The following PRKAR1B variants were observed in gnomAD, a reference collection of about 807,000 sequenced individuals.
The protein encoded by PRKAR1B is cAMP-dependent protein kinase type I-beta regulatory subunit.
PRKAR1B carries 22 observed loss-of-function variants against 46.5 expected under a neutral mutation model. That is an observed-to-expected ratio of 0.47 (90% confidence interval 0.34 to 0.68). The LOEUF is 0.68. Among genes scored for constraint, PRKAR1B ranks in the 30% least tolerant of loss-of-function variants. The pLI, the probability that PRKAR1B is intolerant of heterozygous loss-of-function variation, is 0.01. For missense variants in PRKAR1B, 445 were observed against 535.6 expected (o/e 0.83, Z 1.67); for synonymous variants, 259 against 217.7 (o/e 1.19, Z -1.67).
chr7:561,274 G>GCACA (rs201104071), intron 9 of PRKAR1B, among the ~76,000 whole-genome samples: 15 of 150,222 alleles, frequency 1.0e-4, no homozygotes, highest in African/African-American at 1.7e-4. Context: ...ACACGCCTGT[G>GCACA]CACACACACA....
At chr7:663,490 G>A (rs1292690449) in intron 4 of PRKAR1B, among the ~76,000 whole-genome samples, 3 of 152,212 alleles carry the variant, frequency 2.0e-5, no homozygotes, top group African/African-American at 7.2e-5. Context: ...CCCTGCCTCA[G>A]CCTCCCAAAG....
rs1428212549 is a variant in PRKAR1B at position 646,291 on chromosome 7, G to A, written c.440+30938C>T. Reference sequence around the variant, plus strand: ...ACTCCTGGATTCAAGCGATCCTCCCGCCTTGGTCTCCCAAAGTGCTGGGAT... The same window carrying A: ...ACTCCTGGATTCAAGCGATCCTCCCACCTTGGTCTCCCAAAGTGCTGGGAT... On this transcript the variant is annotated intron_variant, in intron 4 of 10. Coordinates refer to ENST00000537384, the MANE Select transcript of PRKAR1B (RefSeq NM_001164760.2). 5.3e-5 allele frequency among the ~76,000 whole-genome samples: 8 copies of A among 152,300 alleles called. No individual in the cohort carries two copies. The East Asian group carries it at 5.8e-4, about 11-fold the overall frequency.
intron 4 of PRKAR1B, among the ~76,000 whole-genome samples, chr7:647,158 C>A (rs1192098026): frequency 6.6e-6 from 1 of 152,232 alleles, no homozygotes; most frequent in Non-Finnish European, 1.5e-5. Context: ...CCAAAACCAG[C>A]CTGCCTGCCC....
chr7:650,307 T>C (rs1402081914), intron 4 of PRKAR1B, among the ~76,000 whole-genome samples: 1 of 152,116 alleles, frequency 6.6e-6, no homozygotes, highest in Non-Finnish European at 1.5e-5. Flanking sequence ...AGGGTCTGCA[T>C]CCCAAGGGTC....
intron 9 of PRKAR1B, among the ~76,000 whole-genome samples, chr7:563,887 ATGTGCATGTGTGCACACG>A (rs1269512783): frequency 8.0e-5 from 12 of 150,188 alleles, no homozygotes; most frequent in African/African-American, 2.9e-4. Flanking sequence ...GGGTGTGTAT[ATGTGCATGTGTGCACACG>A]TGTGCATGGG....
intron 4 of PRKAR1B, among the ~76,000 whole-genome samples, chr7:660,413 T>C (rs1334082475): frequency 2.7e-5 from 4 of 146,472 alleles, no homozygotes; most frequent in African/African-American, 5.1e-5. Flanking sequence ...TCCAAATACC[T>C]ACTCTCCCCC....
rs1358844183 is a variant in PRKAR1B at position 714,996 on chromosome 7, G to A, written c.-22-3469C>T. Among the ~76,000 whole-genome samples, 3 of 152,056 alleles carry A rather than the reference G, an allele frequency of 2.0e-5. No homozygotes were observed. Among genetic ancestry groups the A allele is most frequent in the Non-Finnish European group, 4.4e-5 (3 of 68,022 alleles). On this transcript the variant is annotated intron_variant, in intron 1 of 10. Transcript: ENST00000537384. The surrounding 1 kb of genome is among the most constrained non-coding windows in gnomAD (Gnocchi z 4.3). The stretch of plus-strand genomic sequence containing the variant: ...AGGTCAGGAGTTCAAGACCAGCCTG[G>A]GCAACATAGCGAAACCCTGTCTCGA...
At chr7:656,902 T>C (rs1351177039) in intron 4 of PRKAR1B, among the ~76,000 whole-genome samples, 3 of 148,716 alleles carry the variant, frequency 2.0e-5, no homozygotes, top group Non-Finnish European at 4.5e-5. Context: ...AGTGAATGCA[T>C]GGATGGACGG....
chr7:711,571 G>A (rs1780632062), intron 1 of PRKAR1B, 44 bp from the exon 2 acceptor site: 1 of 1,562,192 alleles, frequency 6.4e-7, no homozygotes, highest in Non-Finnish European at 8.7e-7. Flanking sequence ...GAGCTGCCCG[G>A]GGCTGCGCGC....
intron 3 of PRKAR1B, among the ~76,000 whole-genome samples, chr7:677,725 C>T (rs113150217): frequency 6.6e-6 from 1 of 152,136 alleles, no homozygotes; most frequent in African/African-American, 2.4e-5. Flanking sequence ...CCGCACCCAG[C>T]CTCTTGTTAC....
chr7:679,710 A>G (rs941554494), intron 3 of PRKAR1B, among the ~76,000 whole-genome samples: 3 of 152,206 alleles, frequency 2.0e-5, no homozygotes, highest in Non-Finnish European at 2.9e-5. Context: ...CTAACAGGGT[A>G]CTGGGGACTG....
chr7:695,515 T>C (rs890251636), intron 2 of PRKAR1B, among the ~76,000 whole-genome samples: 1 of 152,144 alleles, frequency 6.6e-6, no homozygotes, highest in Non-Finnish European at 1.5e-5. Context: ...TGTTCCATGA[T>C]GGAGACTGCA....
At chr7:617,653 C>G (rs1782902667) in intron 4 of PRKAR1B, among the ~76,000 whole-genome samples, 1 of 152,162 alleles carries the variant, frequency 6.6e-6, no homozygotes, top group South Asian at 2.1e-4. Context: ...CGACTGTCAC[C>G]CTGGTCCATT....
chr7:719,012 C>T (rs1310347185), intron 1 of PRKAR1B, among the ~76,000 whole-genome samples: 20 of 151,758 alleles, frequency 1.3e-4, no homozygotes, highest in African/African-American at 2.4e-5. Context: ...GCTGGGATTA[C>T]AGGTGCACCC....
chr7:707,478 T>C (rs964061657), intron 2 of PRKAR1B, among the ~76,000 whole-genome samples: 2 of 152,066 alleles, frequency 1.3e-5, no homozygotes, highest in Non-Finnish European at 2.9e-5. Flanking sequence ...CTGAGAAAAA[T>C]TGCCCTGCCC....
chr7:568,488 C>T (rs183925631), intron 9 of PRKAR1B, among the ~76,000 whole-genome samples: 127 of 152,346 alleles, frequency 8.3e-4, no homozygotes, highest in African/African-American at 2.9e-3. Flanking sequence ...GGAGCTGGCC[C>T]GCCCCGGGCA....
chr7:702,767 G>A (rs1256453164), intron 2 of PRKAR1B, among the ~76,000 whole-genome samples: 2 of 152,166 alleles, frequency 1.3e-5, no homozygotes, highest in Admixed American at 1.3e-4. Flanking sequence ...AGCTCGCAGT[G>A]AGCGGAGATT....
At chr7:629,242 C>T (rs1474118329) in intron 4 of PRKAR1B, among the ~76,000 whole-genome samples, 1 of 152,248 alleles carries the variant, frequency 6.6e-6, no homozygotes, top group Non-Finnish European at 1.5e-5. Context: ...GCTCCAAGCG[C>T]GAGGGCTGGA....
chr7:561,130 C>T (rs1196306526), intron 9 of PRKAR1B, among the ~76,000 whole-genome samples: 1 of 148,598 alleles, frequency 6.7e-6, no homozygotes, highest in Non-Finnish European at 1.5e-5. Context: ...CACAGGCACA[C>T]AAACACACAC....
Sources: gnomAD v4.1 joint callset for allele counts (sites outside exome capture counted in the v4.1 genomes callset) on GRCh38, gnomAD v4.1.1 for gene constraint, Gnocchi (gnomAD v3.1) non-coding constraint, MANE v1.5 for transcripts, NCBI Gene and HGNC (gene_info 2026-07-23, HGNC 2026-07-21) for gene names.